The following CPLX2 variants were observed in gnomAD, a reference collection of about 807,000 sequenced individuals.
The protein encoded by CPLX2 is complexin 2, also known as complexin-2.
A neutral mutation model predicts 16.3 loss-of-function variants in CPLX2; 5 were observed. The observed-to-expected ratio is 0.31, with a 90% confidence interval of 0.16 to 0.64. The LOEUF (loss-of-function observed/expected upper bound fraction) is 0.64. Ranked by LOEUF, CPLX2 falls within the 30% of genes least tolerant of loss-of-function variation. The pLI is 0.79. For synonymous variants in CPLX2, 89 were observed against 73.2 expected, an observed-to-expected ratio of 1.22 and a Z score of -1.10; for missense variants, 144 against 181.4, an observed-to-expected ratio of 0.79 and a Z score of 1.18.
upstream of CPLX2, among the ~76,000 whole-genome samples, chr5:175,867,718 C>T (rs965947301): frequency 7.9e-5 from 12 of 152,110 alleles, no homozygotes; most frequent in African/African-American, 2.9e-4. Context: ...GCACGCCTGC[C>T]CTGCCACACG....
chr5:175,868,591 C>T (rs891685478), upstream of CPLX2, among the ~76,000 whole-genome samples: 94 of 152,282 alleles, frequency 6.2e-4, no homozygotes, highest in African/African-American at 2.2e-3. Context: ...GAACCTGCGG[C>T]TGGGCCTGTT....
chr5:175,801,161 TAAA>T (rs3051187), intron 1 of CPLX2, among the ~76,000 whole-genome samples: 16,419 of 140,946 alleles, frequency 0.12, 1,078 homozygotes, highest in South Asian at 0.22. Flanking sequence ...AGAGGAGTGT[TAAA>T]AAAAAAAAAA....
intron 2 of CPLX2, among the ~76,000 whole-genome samples, chr5:175,813,280 G>A (rs1385348710): frequency 6.6e-6 from 1 of 152,058 alleles, no homozygotes; most frequent in Non-Finnish European, 1.5e-5. Context: ...TTTTTAAAAA[G>A]GCAAATCAAT....
chr5:175,839,764 T>C (rs1758914327), intron 2 of CPLX2, among the ~76,000 whole-genome samples: 1 of 152,240 alleles, frequency 6.6e-6, no homozygotes, highest in South Asian at 2.1e-4. Flanking sequence ...TTAAATGACA[T>C]TTACTGTCAA....
chr5:175,852,942 G>A (rs1465562656), intron 2 of CPLX2, among the ~76,000 whole-genome samples: 6 of 152,204 alleles, frequency 3.9e-5, no homozygotes, highest in African/African-American at 9.7e-5. Flanking sequence ...TCATGTCTGT[G>A]AGGAAGTCTC....
chr5:175,827,492 C>T (rs1433926171), intron 2 of CPLX2, among the ~76,000 whole-genome samples: 3 of 152,250 alleles, frequency 2.0e-5, no homozygotes, highest in East Asian at 1.9e-4. Flanking sequence ...CAGTCCCTCA[C>T]GCCTGTAATC....
chr5:175,875,202 G>C (rs913069881), intron 1 of CPLX2, among the ~76,000 whole-genome samples: 2 of 152,182 alleles, frequency 1.3e-5, no homozygotes, highest in East Asian at 3.9e-4. Flanking sequence ...CAAAGTGAGA[G>C]GGGTGGGATT....
At position 175,849,372 on chromosome 5, in the gene CPLX2, G is replaced by A. The variant is rs1258487102; in HGVS notation, c.-88-29280G>A. ...ACTGGACGTCCGTGTATACTTTCCT[G>A]GGACTGATGTCACAAAGAACCAGAA... On this transcript the variant is annotated intron_variant, in intron 2 of 4. Coordinates refer to the CPLX2 transcript ENST00000359546. The surrounding 1 kb of genome is among the most constrained non-coding windows in gnomAD (Gnocchi z 4.4). Among the ~76,000 whole-genome samples the A allele has an allele frequency of 2.0e-5, 3 of 152,166 alleles. No individual in the cohort carries two copies. Among genetic ancestry groups the A allele is most frequent in the Admixed American group, 2.0e-4 (3 of 15,284 alleles).
intron 2 of CPLX2, among the ~76,000 whole-genome samples, chr5:175,820,254 T>C (rs1758480099): frequency 6.6e-6 from 1 of 152,224 alleles, no homozygotes; most frequent in Non-Finnish European, 1.5e-5. Context: ...TGAGGGAAAC[T>C]GATGCAGTGC....
chr5:175,842,365 A>G (rs1285922518), intron 2 of CPLX2, among the ~76,000 whole-genome samples: 1 of 152,244 alleles, frequency 6.6e-6, no homozygotes, highest in African/African-American at 2.4e-5. Context: ...TGCTATTATT[A>G]TCTCCTCCTA....
rs75439409 is a variant in CPLX2, at chr5:175,876,496, A to AAAT, written c.-88-2154_-88-2153insTAA. On this transcript the variant is annotated intron_variant, in intron 1 of 3. Coordinates refer to ENST00000393745, the MANE Select transcript of CPLX2 (RefSeq NM_001008220.2). ...AACAGTAAGGGGAAGCAGGGATAGG[A>AAAT]AAGAACTGAGTCACAGAACCAAGAG... is the stretch of plus-strand genomic sequence containing the variant. Among the ~76,000 whole-genome samples, 26 of 152,194 alleles carry AAAT rather than the reference A, an allele frequency of 1.7e-4. No individual in the cohort carries two copies. The South Asian group carries it at 3.9e-3, about 23-fold the overall frequency.
chr5:175,872,738 T>G lies in CPLX2; in HGVS notation c.-89+1033T>G, dbSNP rs1156843314. 1 of 152,292 alleles carries G rather than the reference T, an allele frequency of 6.6e-6. No homozygotes were observed. Among genetic ancestry groups the G allele is most frequent in the Non-Finnish European group, 1.5e-5 (1 of 68,102 alleles). 9.4% of individuals were successfully genotyped at this position (152,292 alleles called of 1,614,324 possible). ...GGGGTGGAGTGACATCCCCTGTCTC[T>G]GCCACTGCCTTTGGCGTAGTCCCCT... On this transcript the variant is annotated intron_variant, in intron 1 of 3. Transcript: ENST00000393745. The surrounding 1 kb of genome is among the most constrained non-coding windows in gnomAD (Gnocchi z 5.0).
chr5:175,830,116 TG>T lies in CPLX2; in HGVS notation c.-89+21049del, dbSNP rs1177466061. Among the ~76,000 whole-genome samples the T allele has an allele frequency of 1.3e-5, 2 of 152,098 alleles. No individual in the cohort carries two copies. The highest frequency in any genetic ancestry group is 4.8e-5 in the African/African-American group (2 of 41,398). ...GAAAACAGAACTGTGTGGTGCCAGG[TG>T]ATCCAGAAGAGAAGCAGTGAGAGCT... On this transcript the variant is annotated intron_variant, in intron 2 of 4. Coordinates refer to the CPLX2 transcript ENST00000359546. The surrounding 1 kb of genome is among the most constrained non-coding windows in gnomAD (Gnocchi z 4.0).
At chr5:175,808,001 A>G (rs1241179468) in intron 1 of CPLX2, among the ~76,000 whole-genome samples, 1 of 152,204 alleles carries the variant, frequency 6.6e-6, no homozygotes, top group Admixed American at 6.5e-5. Flanking sequence ...CACTGAGAGC[A>G]GGGCTATCGT....
chr5:175,804,703 A>AC (rs922211933), intron 1 of CPLX2, among the ~76,000 whole-genome samples: 3 of 151,926 alleles, frequency 2.0e-5, no homozygotes, highest in African/African-American at 7.3e-5. Context: ...TTTTAACAAG[A>AC]CCCCCCGGTG....
intron 2 of CPLX2, among the ~76,000 whole-genome samples, chr5:175,824,877 C>T (rs1045008292): frequency 3.3e-5 from 5 of 152,196 alleles, no homozygotes; most frequent in Admixed American, 6.5e-5. Flanking sequence ...TTTTCCACCT[C>T]ACTGGCCTGG....
intron 2 of CPLX2, among the ~76,000 whole-genome samples, chr5:175,863,517 G>C (rs1039651268): frequency 6.6e-6 from 1 of 152,160 alleles, no homozygotes; most frequent in South Asian, 2.1e-4. Context: ...CGAGGGCCTG[G>C]GGATTAAATC....
At chr5:175,831,120 C>T (rs1029271169) in intron 2 of CPLX2, among the ~76,000 whole-genome samples, 1 of 151,858 alleles carries the variant, frequency 6.6e-6, no homozygotes, top group Non-Finnish European at 1.5e-5. Flanking sequence ...GTGTGTGTCT[C>T]GGTACATCTG....
intron 1 of CPLX2, among the ~76,000 whole-genome samples, chr5:175,797,014 G>A (rs1051324627): frequency 6.6e-6 from 1 of 152,200 alleles, no homozygotes; most frequent in African/African-American, 2.4e-5. Context: ...CTCCCGCGCC[G>A]CACCGGGTCC....
Sources: gnomAD v4.1 joint callset for allele counts (sites outside exome capture counted in the v4.1 genomes callset) on GRCh38, gnomAD v4.1.1 for gene constraint, Gnocchi (gnomAD v3.1) non-coding constraint, MANE v1.5 for transcripts, NCBI Gene and HGNC (gene_info 2026-07-23, HGNC 2026-07-21) for gene names.